NRG3: variants seen among roughly 807,000 people sequenced by gnomAD.
NRG3 encodes the protein neuregulin 3.
Under a neutral mutation model 66.9 loss-of-function variants are expected in NRG3, and 31 were observed. That is an observed-to-expected ratio of 0.46 (90% CI 0.35 to 0.63). The LOEUF (loss-of-function observed/expected upper bound fraction) is 0.63, where lower values mean the gene tolerates loss of function less well. Ranked by LOEUF, NRG3 falls within the 20% of genes least tolerant of loss-of-function variation. The probability of loss-of-function intolerance (pLI) is 0.00; values close to 1 mark genes in which losing one functional copy is unlikely to be tolerated. For synonymous variants in NRG3, 393 were observed against 359.4 expected, an observed-to-expected ratio of 1.09 and a Z score of -1.06; for missense variants, 910 against 878.9, an observed-to-expected ratio of 1.04 and a Z score of -0.45.
At chr10:82,087,957 C>T (rs1236926361) in intron 1 of NRG3, among the ~76,000 whole-genome samples, 1 of 148,324 alleles carries the variant, frequency 6.7e-6, no homozygotes, top group Non-Finnish European at 1.5e-5. Flanking sequence ...AAGATGTTCA[C>T]ATTTCCCGGC....
intron 6 of NRG3, among the ~76,000 whole-genome samples, chr10:82,959,662 T>C (rs539567042): frequency 6.6e-6 from 1 of 152,130 alleles, no homozygotes; most frequent in Non-Finnish European, 1.5e-5. Context: ...AATAAAGCCA[T>C]GGAATCCTAA....
At chr10:82,008,739 A>G (rs1038813286) in intron 1 of NRG3, among the ~76,000 whole-genome samples, 2 of 152,188 alleles carry the variant, frequency 1.3e-5, no homozygotes, top group East Asian at 3.9e-4. Flanking sequence ...CAATTTGAAT[A>G]AAAGAAAAAA....
chr10:82,373,609 G>A (rs2085030604), intron 2 of NRG3, among the ~76,000 whole-genome samples: 1 of 152,224 alleles, frequency 6.6e-6, no homozygotes, highest in South Asian at 2.1e-4. Context: ...TTATGAAATA[G>A]AGGCTAATAA....
Position 82,620,221 on chromosome 10 carries a change from C to T in NRG3, c.954-118356C>T, listed in dbSNP as rs965477806. Among the ~76,000 whole-genome samples, 6 of 152,218 alleles carry T rather than the reference C, an allele frequency of 3.9e-5. No individual in the cohort carries two copies. In the South Asian group the frequency reaches 6.2e-4, roughly 16 times the overall value. ...GCTCAGTGGGCCTCTTGCCTTGTCGCGTGGGGCTGCTGCTGTCCACCAGTG... is the reference window on the plus strand; with the variant it reads ...GCTCAGTGGGCCTCTTGCCTTGTCGTGTGGGGCTGCTGCTGTCCACCAGTG... On this transcript the variant is annotated intron_variant, in intron 2 of 8. Transcript: ENST00000372141.
intron 4 of NRG3, among the ~76,000 whole-genome samples, chr10:82,920,661 T>A (rs990862280): frequency 1.3e-5 from 2 of 152,026 alleles, no homozygotes; most frequent in African/African-American, 4.8e-5. Flanking sequence ...ATTCTAGGAC[T>A]ACAGCAGGGA....
In NRG3 at chr10:82,869,572, T is replaced by A. The variant is rs1288409123; in HGVS notation, c.1054+4135T>A. Among the ~76,000 whole-genome samples, 89 of 69,018 alleles carry A rather than the reference T, an allele frequency of 1.3e-3. No individual in the cohort carries two copies. The East Asian group carries it at 0.03, about 23-fold the overall frequency. The allele number at this position is 69,018 out of a possible 152,430, so 45.3% of individuals were successfully genotyped here. ...CCCAACCACTGGTCTTTTTTATTTA[T>A]TTTATTTTATTTTATTTTATTTTAT... On this transcript the variant is annotated intron_variant, in intron 4 of 8. Transcript: ENST00000372141.
rs762562414 is a variant in NRG3, at chr10:82,967,901, G to A, written c.1285-5887G>A. 7.9e-5 allele frequency among the ~76,000 whole-genome samples: 12 copies of A among 152,142 alleles called. 1 individual carries two copies. Among genetic ancestry groups the A allele is most frequent in the African/African-American group, 1.2e-4 (5 of 41,426 alleles). ...CCTAAGACTACAGACCCCAACTCTCGTTCTAGTGCCCATACAGATTCCAGC... is the reference window on the plus strand; with the variant it reads ...CCTAAGACTACAGACCCCAACTCTCATTCTAGTGCCCATACAGATTCCAGC... On this transcript the variant is annotated intron_variant, in intron 6 of 8. Transcript: ENST00000372141.
At chr10:81,910,889 C>G (rs980728338) in intron 1 of NRG3, among the ~76,000 whole-genome samples, 6 of 152,112 alleles carry the variant, frequency 3.9e-5, no homozygotes, top group African/African-American at 1.2e-4. Context: ...AACTCCTAGC[C>G]TCAATCATCC....
chr10:82,360,354 C>G (rs558073272), intron 2 of NRG3, among the ~76,000 whole-genome samples: 3 of 152,346 alleles, frequency 2.0e-5, no homozygotes, highest in African/African-American at 7.2e-5. Flanking sequence ...AACCATGTTA[C>G]AGTGGCCAAT....
chr10:82,047,264 T>C (rs1182521750), intron 1 of NRG3, among the ~76,000 whole-genome samples: 2 of 151,990 alleles, frequency 1.3e-5, no homozygotes, highest in Admixed American at 1.3e-4. Flanking sequence ...ACAAAGATAC[T>C]CCTCGAGAAG....
At chr10:82,830,213 G>A (rs1001498100) in intron 3 of NRG3, among the ~76,000 whole-genome samples, 14 of 152,220 alleles carry the variant, frequency 9.2e-5, no homozygotes, top group Admixed American at 9.2e-4. Flanking sequence ...GTTTAACTTT[G>A]TATAAACACT....
At chr10:82,658,092 C>T (rs1235892098) in intron 2 of NRG3, among the ~76,000 whole-genome samples, 1 of 151,958 alleles carries the variant, frequency 6.6e-6, no homozygotes, top group Non-Finnish European at 1.5e-5. Context: ...AAAGACTTTA[C>T]AAGAAAATAA....
intron 1 of NRG3, among the ~76,000 whole-genome samples, chr10:82,116,660 T>A (rs1359892505): frequency 6.6e-6 from 1 of 152,188 alleles, no homozygotes; most frequent in African/African-American, 2.4e-5. Context: ...TGTCCAATCA[T>A]TTCCTTTTGT....
intron 2 of NRG3, among the ~76,000 whole-genome samples, chr10:82,689,413 G>GT (rs1422631345): frequency 2.0e-5 from 3 of 152,076 alleles, no homozygotes; most frequent in Admixed American, 6.5e-5. Context: ...GTTAGTGCAC[G>GT]TAAGTCTCAC....
chr10:82,412,905 A>G (rs1401268255), intron 2 of NRG3, among the ~76,000 whole-genome samples: 1 of 152,154 alleles, frequency 6.6e-6, no homozygotes, highest in Non-Finnish European at 1.5e-5. Flanking sequence ...CTTTTTCATG[A>G]GATTGCAGCA....
chr10:82,626,329 A>C (rs2049417963), intron 2 of NRG3, among the ~76,000 whole-genome samples: 1 of 152,174 alleles, frequency 6.6e-6, no homozygotes, highest in Admixed American at 6.6e-5. Flanking sequence ...ATATGTAGAT[A>C]ACCTACCGGC....
intron 1 of NRG3, among the ~76,000 whole-genome samples, chr10:81,925,203 G>A (rs890675506): frequency 6.6e-6 from 1 of 152,322 alleles, no homozygotes; most frequent in Admixed American, 6.5e-5. Flanking sequence ...AGCCTATCTT[G>A]ACAAGCATGC....
chr10:82,271,553 C>T (rs1212976691), intron 1 of NRG3, among the ~76,000 whole-genome samples: 3 of 151,976 alleles, frequency 2.0e-5, no homozygotes, highest in African/African-American at 7.2e-5. Context: ...CTATATTCAC[C>T]GTTAGTTATA....
chr10:82,509,907 C>A (rs1394077274), intron 2 of NRG3, among the ~76,000 whole-genome samples: 1 of 152,098 alleles, frequency 6.6e-6, no homozygotes, highest in Non-Finnish European at 1.5e-5. Context: ...ATTTGCTTTT[C>A]CTCCAACAGA....
Sources: allele counts gnomAD v4.1 joint callset (sites outside exome capture counted in the v4.1 genomes callset), GRCh38; gene constraint gnomAD v4.1.1; transcripts MANE v1.5; gene names NCBI Gene and HGNC (gene_info 2026-07-23, HGNC 2026-07-21).